KHDRBS2: variants seen among roughly 807,000 people sequenced by gnomAD.
KHDRBS2 encodes KH domain-containing, RNA-binding, signal transduction-associated protein 2.
In KHDRBS2, 26 loss-of-function variants were observed where a neutral mutation model predicts 44.3. The ratio of observed to expected loss-of-function variants is 0.59; its 90% confidence interval spans 0.43 to 0.81. KHDRBS2 has a LOEUF of 0.81. Ranked by LOEUF, KHDRBS2 falls within the 40% of genes least tolerant of loss-of-function variation. The pLI, the probability that KHDRBS2 is intolerant of heterozygous loss-of-function variation, is 0.00. For missense variants in KHDRBS2, 476 were observed against 433.1 expected (o/e 1.10, Z -0.88); for synonymous variants, 194 against 151.1 (o/e 1.28, Z -2.08).
chr6:61,739,952 ATGAC>A (rs1336472417), intron 6 of KHDRBS2, among the ~76,000 whole-genome samples: 57 of 151,986 alleles, frequency 3.8e-4, no homozygotes, highest in Non-Finnish European at 8.1e-4. Context: ...ATTTTTAATA[ATGAC>A]TGTGTTTAAC....
At position 62,271,099 on chromosome 6, in the gene KHDRBS2, T is replaced by C. The variant is rs1197928703; in HGVS notation, c.91+14759A>G. Among the ~76,000 whole-genome samples, 4 of 152,176 alleles carry C rather than the reference T, an allele frequency of 2.6e-5. No homozygotes were observed. The East Asian group carries it at 5.8e-4, about 22-fold the overall frequency. On this transcript the variant is annotated intron_variant, in intron 1 of 8. Coordinates refer to ENST00000281156, the MANE Select transcript of KHDRBS2 (RefSeq NM_152688.4). ...TTATAATAAATGTGTCAGAAAGTTA[T>C]GTTTAACCTTAAGTATATATATAGT...
At chr6:61,892,180 A>G (rs1295769800) in intron 6 of KHDRBS2, among the ~76,000 whole-genome samples, 1 of 152,258 alleles carries the variant, frequency 6.6e-6, no homozygotes, top group Non-Finnish European at 1.5e-5. Flanking sequence ...AATACCTAGG[A>G]ATCCAACTTA....
chr6:61,954,584 T>TATGTGTATATACACATACATACG lies in KHDRBS2; in HGVS notation c.483+23481_483+23482insCGTATGTATGTGTATATACACAT, dbSNP rs1562510899. ...CACATACATACGTATGTAGACATAT[T>TATGTGTATATACACATACATACG]TATGTATATATACACATACATACTT... On this transcript the variant is annotated intron_variant, in intron 4 of 8. Transcript: ENST00000281156. Among the ~76,000 whole-genome samples, 413 of 103,482 alleles carry TATGTGTATATACACATACATACG rather than the reference T, an allele frequency of 4.0e-3. 3 individuals are homozygous for TATGTGTATATACACATACATACG. The highest frequency in any genetic ancestry group is 7.4e-3 in the East Asian group (22 of 2,972). 67.9% of individuals were successfully genotyped at this position (103,482 alleles called of 152,430 possible). A position where few individuals can be genotyped will look rare whatever the true frequency, so the allele number is the denominator to read the frequency against.
rs113679721 is a variant in KHDRBS2 at position 61,917,676 on chromosome 6, T to C, written c.484-16305A>G. ...GATGTGTCAATGTATTTCACTGATA[T>C]TGTAACAACTATACCACTGTGGTGC... On this transcript the variant is annotated intron_variant, in intron 4 of 8. Coordinates refer to ENST00000281156, the MANE Select transcript of KHDRBS2 (RefSeq NM_152688.4). 1.8e-3 allele frequency among the ~76,000 whole-genome samples: 279 copies of C among 152,048 alleles called. 1 individual carries two copies. Among genetic ancestry groups the C allele is most frequent in the African/African-American group, 5.6e-3 (232 of 41,532 alleles).
chr6:61,813,158 T>C (rs1582969710), intron 6 of KHDRBS2, among the ~76,000 whole-genome samples: 1 of 152,074 alleles, frequency 6.6e-6, no homozygotes, highest in Admixed American at 6.6e-5. Context: ...ATACAGGAAT[T>C]AGAATGGAAA....
intron 2 of KHDRBS2, among the ~76,000 whole-genome samples, chr6:62,108,792 T>C (rs976310192): frequency 2.6e-5 from 4 of 152,174 alleles, no homozygotes; most frequent in African/African-American, 9.7e-5. Flanking sequence ...TCATGTCCTT[T>C]GTAGGGACAT....
At chr6:61,646,240 G>A in the KHDRBS2 span, among the ~76,000 whole-genome samples, 1 of 152,054 alleles carries the variant, frequency 6.6e-6, no homozygotes, top group Non-Finnish European at 1.5e-5. Context: ...TTAGTTATAG[G>A]AATGTTATGT....
At chr6:62,227,313 G>A (rs958648296) in intron 1 of KHDRBS2, among the ~76,000 whole-genome samples, 6 of 151,958 alleles carry the variant, frequency 3.9e-5, no homozygotes, top group African/African-American at 1.5e-4. Flanking sequence ...TCATGATTTG[G>A]CTCTCTGCTT....
chr6:61,848,526 TATATACATATATATGTATATATATAC>T lies in KHDRBS2; in HGVS notation c.810+46083_810+46108del, dbSNP rs1562294610. Among the ~76,000 whole-genome samples, 4 of 54,850 alleles carry T rather than the reference TATATACATATATATGTATATATATAC, an allele frequency of 7.3e-5. 1 individual carries two copies. The highest frequency in any genetic ancestry group is 1.3e-4 in the Non-Finnish European group (4 of 30,270). 36.0% of individuals were successfully genotyped at this position (54,850 alleles called of 152,430 possible). On this transcript the variant is annotated intron_variant, in intron 6 of 8. Coordinates refer to ENST00000281156, the MANE Select transcript of KHDRBS2 (RefSeq NM_152688.4). ...ATATATATATGTATATATGTATATA[TATATACATATATATGTATATATATAC>T]ATATATATATGTATATATATATACA...
rs79482088 is a variant in KHDRBS2, at chr6:61,971,526, A to G, written c.483+6540T>C. ...TAAAAAATCAGTTTCAAAATATGCT[A>G]TACTCTGGAGGTGTTTCTTGGTGTA... On this transcript the variant is annotated intron_variant, in intron 4 of 8. Transcript: ENST00000281156. 8.3e-4 allele frequency among the ~76,000 whole-genome samples: 127 copies of G among 152,256 alleles called. 1 individual carries two copies. Among genetic ancestry groups the G allele is most frequent in the African/African-American group, 3.0e-3 (123 of 41,556 alleles).
chr6:61,672,074 CT>C, the KHDRBS2 span, among the ~76,000 whole-genome samples: 3 of 144,554 alleles, frequency 2.1e-5, no homozygotes, highest in South Asian at 6.7e-4. Flanking sequence ...CAATTCCCAC[CT>C]ATGAGTGAGA....
chr6:61,826,731 A>T (rs1790930325), intron 6 of KHDRBS2, among the ~76,000 whole-genome samples: 1 of 152,158 alleles, frequency 6.6e-6, no homozygotes, highest in African/African-American at 2.4e-5. Context: ...ACTATTTCCT[A>T]TCTGCCCTTG....
At chr6:61,681,634 A>G in intron 8 of KHDRBS2, among the ~76,000 whole-genome samples, 1 of 98,714 alleles carries the variant, frequency 1.0e-5, no homozygotes, top group East Asian at 2.2e-4. Context: ...CAAAATCAGT[A>G]AACAAAACAA....
chr6:62,235,250 C>CT (rs1246096625), intron 1 of KHDRBS2, among the ~76,000 whole-genome samples: 1 of 151,872 alleles, frequency 6.6e-6, no homozygotes, highest in African/African-American at 2.4e-5. Context: ...TTATATTTAT[C>CT]TCTCCATTGC....
At chr6:62,071,217 A>T (rs188040544) in intron 2 of KHDRBS2, among the ~76,000 whole-genome samples, 12 of 151,506 alleles carry the variant, frequency 7.9e-5, no homozygotes, top group Admixed American at 3.3e-4. Context: ...TTTGTTTGAG[A>T]TCATTGTAGA....
chr6:61,768,879 A>T (rs569027107), intron 6 of KHDRBS2, among the ~76,000 whole-genome samples: 44 of 152,120 alleles, frequency 2.9e-4, no homozygotes, highest in East Asian at 1.2e-3. Context: ...CTGCATAGAG[A>T]ACAATTGGTG....
At chr6:62,062,995 A>C (rs1321636867) in intron 2 of KHDRBS2, among the ~76,000 whole-genome samples, 1 of 151,322 alleles carries the variant, frequency 6.6e-6, no homozygotes, top group East Asian at 2.0e-4. Context: ...AGAATACTAC[A>C]AACAACTCTA....
the KHDRBS2 span, among the ~76,000 whole-genome samples, chr6:61,583,251 T>C: frequency 2.6e-4 from 40 of 151,858 alleles, no homozygotes; most frequent in Admixed American, 2.6e-3. Flanking sequence ...TTTTTGTTTC[T>C]AGCTTATTTC....
At chr6:61,579,036 G>A in the KHDRBS2 span, among the ~76,000 whole-genome samples, 4 of 152,260 alleles carry the variant, frequency 2.6e-5, no homozygotes, top group South Asian at 6.2e-4. Context: ...AGCCCCTGCA[G>A]CAGAAAGAGA....
Sources: gnomAD v4.1 joint callset for allele counts (sites outside exome capture counted in the v4.1 genomes callset) on GRCh38, gnomAD v4.1.1 for gene constraint, MANE v1.5 for transcripts, NCBI Gene and HGNC (gene_info 2026-07-23, HGNC 2026-07-21) for gene names.